Variants in MIR2052HG observed in about 807,000 individuals in gnomAD.
MIR2052HG encodes the protein MIR2052 host gene.
chr8:74,718,680 C>T (rs1225974721), intron 4 of MIR2052HG, among the ~76,000 whole-genome samples: 2 of 152,184 alleles, frequency 1.3e-5, no homozygotes, highest in Non-Finnish European at 2.9e-5. Flanking sequence ...GTTCTGGAGG[C>T]TGCAAGTCCA....
intron 2 of MIR2052HG, among the ~76,000 whole-genome samples, chr8:74,628,294 C>T (rs73687183): frequency 0.014 from 2,130 of 152,212 alleles, 48 homozygotes; most frequent in African/African-American, 0.048. Context: ...ACTAAACATT[C>T]GTTCAAGGGC....
intron 2 of MIR2052HG, among the ~76,000 whole-genome samples, chr8:74,643,653 T>C (rs1808662981): frequency 6.6e-6 from 1 of 152,206 alleles, no homozygotes; most frequent in African/African-American, 2.4e-5. Context: ...GATAATGAGA[T>C]AATGCCATCT....
chr8:74,652,256 G>C (rs1426286417), intron 2 of MIR2052HG, among the ~76,000 whole-genome samples: 3 of 152,186 alleles, frequency 2.0e-5, no homozygotes, highest in African/African-American at 2.4e-5. Flanking sequence ...TGCACTGTTA[G>C]GTTTGAATGT....
At position 74,616,092 on chromosome 8, in the gene MIR2052HG, T is replaced by C. The variant is rs190573723; in HGVS notation, n.216+3152T>C. ...AAACATATGTGGGCATGTGTCTTTATAGCAGCATGATTTATAATCCTTTGG... is the reference window on the plus strand; with the variant it reads ...AAACATATGTGGGCATGTGTCTTTACAGCAGCATGATTTATAATCCTTTGG... On this transcript the variant is annotated intron_variant and non_coding_transcript_variant, in intron 2 of 6. Transcript: ENST00000523442. Among the ~76,000 whole-genome samples the C allele has an allele frequency of 6.6e-3, 1,011 of 152,256 alleles. 8 individuals are homozygous for C. Among genetic ancestry groups the C allele is most frequent in the African/African-American group, 0.023 (963 of 41,548 alleles).
chr8:74,728,553 T>C (rs561045386), intron 4 of MIR2052HG, among the ~76,000 whole-genome samples: 4 of 152,290 alleles, frequency 2.6e-5, no homozygotes, highest in African/African-American at 7.2e-5. Flanking sequence ...GTGGGGAACA[T>C]AGACCACTAT....
chr8:74,644,943 C>A (rs1184632566), intron 2 of MIR2052HG, among the ~76,000 whole-genome samples: 1 of 151,894 alleles, frequency 6.6e-6, no homozygotes, highest in Admixed American at 6.6e-5. Context: ...AACTAACAAA[C>A]CAAAAGAAAC....
intron 2 of MIR2052HG, among the ~76,000 whole-genome samples, chr8:74,626,340 G>A (rs1358003485): frequency 6.6e-6 from 1 of 152,186 alleles, no homozygotes; most frequent in Non-Finnish European, 1.5e-5. Context: ...GCCACTAAGG[G>A]CTGAGTTGAT....
At chr8:74,648,063 A>G (rs145881794) in intron 2 of MIR2052HG, among the ~76,000 whole-genome samples, 1 of 152,336 alleles carries the variant, frequency 6.6e-6, no homozygotes, top group East Asian at 1.9e-4. Context: ...ATAAGGAAAG[A>G]TAACCATAAT....
chr8:74,670,706 G>T (rs1808982505), intron 2 of MIR2052HG, among the ~76,000 whole-genome samples: 1 of 152,068 alleles, frequency 6.6e-6, no homozygotes, highest in South Asian at 2.1e-4. Flanking sequence ...GTTGGTATAT[G>T]GTTATCAGAC....
At chr8:74,685,873 G>A (rs1192607011) in intron 2 of MIR2052HG, among the ~76,000 whole-genome samples, 2 of 151,964 alleles carry the variant, frequency 1.3e-5, no homozygotes, top group African/African-American at 4.8e-5. Context: ...TAGTTTCCAA[G>A]TGGACAGATG....
chr8:74,620,197 C>G (rs147566799), intron 2 of MIR2052HG, among the ~76,000 whole-genome samples: 1 of 152,370 alleles, frequency 6.6e-6, no homozygotes, highest in Non-Finnish European at 1.5e-5. Context: ...TTAGGCAGCT[C>G]TGCCCCTCTG....
At chr8:74,756,015 G>A (rs1188121327) in intron 5 of MIR2052HG, among the ~76,000 whole-genome samples, 1 of 152,188 alleles carries the variant, frequency 6.6e-6, no homozygotes, top group Non-Finnish European at 1.5e-5. Context: ...GACACCAGCA[G>A]CACTGAGGTG....
chr8:74,601,133 T>G (rs1586882774), intron 1 of MIR2052HG, among the ~76,000 whole-genome samples: 2 of 152,352 alleles, frequency 1.3e-5, no homozygotes, highest in Non-Finnish European at 2.9e-5. Context: ...CCAATTTGTT[T>G]TCTTTCCTCA....
At chr8:74,643,257 A>G (rs527858644) in intron 2 of MIR2052HG, among the ~76,000 whole-genome samples, 86 of 152,282 alleles carry the variant, frequency 5.6e-4, no homozygotes, top group African/African-American at 1.9e-3. Context: ...TGAACAACTG[A>G]TTCAGAATTC....
At chr8:74,668,382 C>T (rs1808955250) in intron 2 of MIR2052HG, among the ~76,000 whole-genome samples, 1 of 152,080 alleles carries the variant, frequency 6.6e-6, no homozygotes, top group Non-Finnish European at 1.5e-5. Context: ...GTTACAAAGA[C>T]TTGTTTGTTT....
At chr8:74,670,945 T>C (rs898821151) in intron 2 of MIR2052HG, among the ~76,000 whole-genome samples, 1 of 152,098 alleles carries the variant, frequency 6.6e-6, no homozygotes, top group African/African-American at 2.4e-5. Flanking sequence ...TTTTCTCTCA[T>C]TTATTTTGTC....
At position 74,641,648 on chromosome 8, in the gene MIR2052HG, A is replaced by G. The variant is rs150759386; in HGVS notation, n.216+28708A>G. Among the ~76,000 whole-genome samples the G allele has an allele frequency of 6.8e-4, 103 of 152,138 alleles. No homozygotes were observed. The Middle Eastern group carries it at 0.014, about 20-fold the overall frequency. ...GCTTAAGTACAAAAGTTGAGAAAAC[A>G]TTTCATGGGGTTTTTTTTGGTAAGC... On this transcript the variant is annotated intron_variant and non_coding_transcript_variant, in intron 2 of 6. Coordinates refer to ENST00000523442, the Ensembl canonical transcript of MIR2052HG.
chr8:74,756,061 G>A (rs1412469319), intron 5 of MIR2052HG, among the ~76,000 whole-genome samples: 1 of 152,194 alleles, frequency 6.6e-6, no homozygotes, highest in Non-Finnish European at 1.5e-5. Flanking sequence ...CTGAAAGACT[G>A]ACTATACGTT....
intron 2 of MIR2052HG, among the ~76,000 whole-genome samples, chr8:74,646,151 A>G (rs867119480): frequency 7.9e-5 from 11 of 139,470 alleles, no homozygotes; most frequent in African/African-American, 3.0e-4. Context: ...CAGTGTGATT[A>G]ATACCATGAT....
Sources: gnomAD v4.1 joint callset for allele counts (sites outside exome capture counted in the v4.1 genomes callset) on GRCh38, gnomAD v4.1.1 for gene constraint, MANE v1.5 for transcripts, NCBI Gene and HGNC (gene_info 2026-07-23, HGNC 2026-07-21) for gene names.